The following POGLUT2 variants were observed in gnomAD, a reference collection of about 807,000 sequenced individuals.
POGLUT2 encodes protein O-glucosyltransferase 2, also known as ER protein 58.
In POGLUT2, 47 loss-of-function variants were observed where a neutral mutation model predicts 57.6. The observed-to-expected ratio is 0.82, with a 90% confidence interval of 0.65 to 1.04. The LOEUF (loss-of-function observed/expected upper bound fraction) is 1.04. Among genes scored for constraint, POGLUT2 ranks in the 50% least tolerant of loss-of-function variants. POGLUT2 has a pLI of 0.00. For synonymous variants in POGLUT2, 200 were observed against 218.8 expected, an observed-to-expected ratio of 0.91 and a Z score of 0.76; for missense variants, 565 against 614.8, an observed-to-expected ratio of 0.92 and a Z score of 0.86.
chr13:102,790,831 T>A, intron 6 of POGLUT2, 70 bp downstream of exon 6: 1 of 1,058,922 alleles, frequency 9.4e-7, no homozygotes, highest in Non-Finnish European at 1.4e-6. Context: ...GGCCTTAATT[T>A]CCCTTCCCAA....
Position 102,784,492 on chromosome 13 carries a change from A to T in POGLUT2, c.*3T>A, listed in dbSNP as rs780276855. 57 of 1,541,022 alleles carry T rather than the reference A, an allele frequency of 3.7e-5. 1 individual carries two copies. Among genetic ancestry groups the T allele is most frequent in the Admixed American group, 2.2e-4 (12 of 55,382 alleles). ...ATTATTCTAATAGAAGTTATTTTGC[A>T]TATCAGAGTTCATCTTTGGTCTGCA... On this transcript the variant is annotated 3_prime_UTR_variant, in exon 10 of 10. Transcript: ENST00000376004.
intron 4 of POGLUT2, among the ~76,000 whole-genome samples, chr13:102,792,430 T>G (rs898404910): frequency 5.3e-5 from 8 of 152,194 alleles, no homozygotes; most frequent in Non-Finnish European, 1.2e-4. Flanking sequence ...AGTACCAAAA[T>G]AATTTTATGA....
intron 9 of POGLUT2, 88 bp downstream of exon 9, chr13:102,786,144 C>T: frequency 1.2e-6 from 1 of 809,310 alleles, no homozygotes; most frequent in East Asian, 2.4e-5. Context: ...ATATTTGCTG[C>T]CTGATTGAAT....
intron 9 of POGLUT2, among the ~76,000 whole-genome samples, chr13:102,785,564 A>G (rs1343799663): frequency 2.6e-5 from 4 of 152,116 alleles, no homozygotes; most frequent in African/African-American, 9.7e-5. Context: ...CTGCCACACT[A>G]TAGCTTTATA....
chr13:102,796,533 T>G (rs1424200294), intron 2 of POGLUT2, among the ~76,000 whole-genome samples: 4 of 150,990 alleles, frequency 2.6e-5, no homozygotes, highest in Non-Finnish European at 4.4e-5. Flanking sequence ...TGATTATTCT[T>G]GCTAATGTAT....
At chr13:102,788,724 GA>G (rs1267165859) in intron 7 of POGLUT2, among the ~76,000 whole-genome samples, 1 of 152,202 alleles carries the variant, frequency 6.6e-6, no homozygotes, top group Non-Finnish European at 1.5e-5. Flanking sequence ...GACCTCAGGT[GA>G]TCTGCCTGCC....
chr13:102,790,325 G>C (rs1878118676), intron 6 of POGLUT2, among the ~76,000 whole-genome samples: 1 of 152,112 alleles, frequency 6.6e-6, no homozygotes, highest in African/African-American at 2.4e-5. Context: ...TCTACCATGG[G>C]GGACTTCAGA....
At chr13:102,785,957 A>G (rs942763923) in intron 9 of POGLUT2, among the ~76,000 whole-genome samples, 1 of 152,244 alleles carries the variant, frequency 6.6e-6, no homozygotes, top group Non-Finnish European at 1.5e-5. Context: ...GTAAGCATCC[A>G]TTCAAATAGG....
chr13:102,787,962 C>A (rs1190900281), intron 7 of POGLUT2, 39 bp from the exon 8 acceptor site: 2 of 1,325,914 alleles, frequency 1.5e-6, no homozygotes, highest in Non-Finnish European at 2.1e-6. Context: ...TAATAGAATC[C>A]ATTTTTCCCA....
chr13:102,789,310 C>T, intron 6 of POGLUT2, 89 bp from the exon 7 acceptor site: 1 of 1,107,176 alleles, frequency 9.0e-7, no homozygotes, highest in Non-Finnish European at 1.3e-6. Context: ...TAAACCTTTG[C>T]AATCCTCAGA....
intron 9 of POGLUT2, among the ~76,000 whole-genome samples, chr13:102,785,975 C>T (rs761095812): frequency 1.4e-4 from 22 of 152,156 alleles, no homozygotes; most frequent in Admixed American, 2.0e-4. Context: ...AGGGTGTGAG[C>T]TGGATTCTCA....
chr13:102,793,910 C>T (rs1595311080), intron 2 of POGLUT2, 104 bp from the exon 3 acceptor site: 1 of 979,912 alleles, frequency 1.0e-6, no homozygotes, highest in East Asian at 2.5e-5. Flanking sequence ...TGCTTAGTTA[C>T]ATAGGAAGAG....
intron 4 of POGLUT2, chr13:102,791,877 C>T (rs2139093191): frequency 1.4e-6 from 1 of 738,868 alleles, no homozygotes; most frequent in Non-Finnish European, 2.0e-6. Context: ...TGCTTCCTTC[C>T]TCTACTGGCA....
intron 9 of POGLUT2, among the ~76,000 whole-genome samples, chr13:102,785,036 T>C (rs1877882473): frequency 6.6e-6 from 1 of 152,200 alleles, no homozygotes; most frequent in Non-Finnish European, 1.5e-5. Context: ...TTAACTGATT[T>C]TTATGGCCTT....
Position 102,790,955 on chromosome 13 carries a change from A to T in POGLUT2, c.1029T>A (p.Asp343Glu), listed in dbSNP as rs1878142152. 1 of 1,614,014 alleles carries T rather than the reference A, an allele frequency of 6.2e-7. No individual in the cohort carries two copies. Among genetic ancestry groups the T allele is most frequent in the Non-Finnish European group, 8.5e-7 (1 of 1,179,838 alleles). Residue 343 changes from aspartate (D) to glutamate (E), a missense_variant, in exon 6 of 10, where the codon GAT becomes GAA. By Grantham distance (45) the Asp-to-Glu change is conservative (BLOSUM62 2). Coordinates refer to ENST00000376004, the MANE Select transcript of POGLUT2 (RefSeq NM_024089.3). ...TCACAATGGGACCATACAGGTTTTCATCGTGTTTAAAGAAGAAAAAGTTGG... is the reference window on the plus strand; with the variant it reads ...TCACAATGGGACCATACAGGTTTTCTTCGTGTTTAAAGAAGAAAAAGTTGG... ...AFTNFFFFKH[D>E]ENLYGPIVKH...
chr13:102,795,039 G>A (rs1315471088), intron 2 of POGLUT2, among the ~76,000 whole-genome samples: 8 of 150,448 alleles, frequency 5.3e-5, no homozygotes, highest in Non-Finnish European at 1.2e-4. Context: ...GGATCACGAG[G>A]TCAGGAGATC....
chr13:102,796,755 A>T, intron 2 of POGLUT2, 49 bp downstream of exon 2: 1 of 887,928 alleles, frequency 1.1e-6, no homozygotes, highest in East Asian at 2.8e-5. Flanking sequence ...GGAATAACAT[A>T]TATTATTTTA....
chr13:102,787,207 CG>C (rs1458156239), intron 8 of POGLUT2, among the ~76,000 whole-genome samples: 8 of 151,904 alleles, frequency 5.3e-5, no homozygotes, highest in Admixed American at 2.6e-4. Context: ...CCACCACACC[CG>C]GCTAATTTTT....
At chr13:102,789,818 G>A (rs1356279034) in intron 6 of POGLUT2, among the ~76,000 whole-genome samples, 4 of 152,122 alleles carry the variant, frequency 2.6e-5, no homozygotes, top group East Asian at 1.9e-4. Flanking sequence ...GGCTGGTCTC[G>A]AACCCTGGAA....
Sources: allele counts gnomAD v4.1 joint callset (sites outside exome capture counted in the v4.1 genomes callset), GRCh38; gene constraint gnomAD v4.1.1; transcripts MANE v1.5; gene names NCBI Gene and HGNC (gene_info 2026-07-23, HGNC 2026-07-21).